The following CAPN3 variants were observed in gnomAD, a reference collection of about 807,000 sequenced individuals.
CAPN3 encodes the protein calpain-3.
CAPN3 carries 88 observed loss-of-function variants against 114.0 expected under a neutral mutation model. The observed-to-expected ratio is 0.77, with a 90% CI of 0.65 to 0.92. The LOEUF (loss-of-function observed/expected upper bound fraction) is 0.92. Among genes scored for constraint, CAPN3 ranks in the 40% least tolerant of loss-of-function variants. The pLI, the probability that CAPN3 is intolerant of heterozygous loss-of-function variation, is 0.00. For missense variants in CAPN3, 1,028 were observed against 1,069.0 expected, an observed-to-expected ratio of 0.96 and a Z score of 0.53; for synonymous variants, 386 against 382.9, an observed-to-expected ratio of 1.01 and a Z score of -0.09.
chr15:42,360,782 T>C (rs1253031062), intron 1 of CAPN3, among the ~76,000 whole-genome samples: 2 of 152,206 alleles, frequency 1.3e-5, no homozygotes, highest in Non-Finnish European at 2.9e-5. Flanking sequence ...CTTTCTGTTT[T>C]AGGAAACTCT....
chr15:42,384,649 C>A (rs1566973667), intron 2 of CAPN3, 97 bp downstream of exon 2: 2 of 910,770 alleles, frequency 2.2e-6, no homozygotes, highest in Non-Finnish European at 3.7e-6. Flanking sequence ...TCTGTGCTTG[C>A]TTCCAGTAAC....
rs1041880843 is a variant in CAPN3 at position 42,411,691 on chromosome 15, G to C, written c.2440-56G>C. ...TTGCCCCGTAAGATTCCTAGGGCGG[G>C]GGGGGGGGGGGTCACTCTTTTCTGA... On this transcript the variant is annotated intron_variant, in intron 23 of 23. Coordinates refer to ENST00000397163, the MANE Select transcript of CAPN3 (RefSeq NM_000070.3). 235 of 418,750 alleles carry C rather than the reference G, an allele frequency of 5.6e-4. 3 individuals are homozygous for C. The highest frequency in any genetic ancestry group is 1.8e-3 in the Middle Eastern group (3 of 1,662). The allele number at this position is 418,750 out of a possible 1,614,324, so 25.9% of individuals were successfully genotyped here. A position where few individuals can be genotyped will look rare whatever the true frequency, so the allele number is the denominator to read the frequency against.
At chr15:42,392,355 G>A (rs963319774) in intron 6 of CAPN3, among the ~76,000 whole-genome samples, 4 of 152,066 alleles carry the variant, frequency 2.6e-5, no homozygotes, top group African/African-American at 9.7e-5. Context: ...GTCCAGAAAG[G>A]AGGGGCAGGA....
intron 14 of CAPN3, 55 bp downstream of exon 14, chr15:42,403,832 A>G (rs2053944566): frequency 4.7e-6 from 7 of 1,480,426 alleles, no homozygotes; most frequent in Non-Finnish European, 6.6e-6. Flanking sequence ...TTCCCTGACC[A>G]TGCAGGGGAC....
intron 1 of CAPN3, among the ~76,000 whole-genome samples, chr15:42,369,892 A>T (rs2141123052): frequency 7.1e-6 from 1 of 140,732 alleles, no homozygotes; most frequent in East Asian, 2.0e-4. Flanking sequence ...TTTTTTTGAG[A>T]CAGAGTCTTT....
chr15:42,402,759 G>A (rs1473016419), intron 12 of CAPN3, 35 bp from the exon 13 acceptor site: 6 of 1,606,316 alleles, frequency 3.7e-6, no homozygotes, highest in Non-Finnish European at 5.1e-6. Flanking sequence ...TCCTCCCGAG[G>A]GGCTCATGTG....
chr15:42,373,093 T>A (rs2052996648), intron 1 of CAPN3, among the ~76,000 whole-genome samples: 1 of 151,286 alleles, frequency 6.6e-6, no homozygotes, highest in Non-Finnish European at 1.5e-5. Flanking sequence ...TTTGGGAGGC[T>A]GAGGCGGGAG....
intron 23 of CAPN3, 59 bp from the exon 24 acceptor site, chr15:42,411,686 GGC>G: frequency 3.4e-6 from 2 of 591,554 alleles, no homozygotes; most frequent in Non-Finnish European, 2.7e-6. Flanking sequence ...AGATTCCTAG[GGC>G]GGGGGGGGGG....
In CAPN3 at chr15:42,401,635, G is replaced by A. The variant is rs28364485; in HGVS notation, c.1355-6G>A. 2.7e-3 allele frequency: 4,343 copies of A among 1,614,054 alleles called. 101 individuals carry two copies. The African/African-American group carries it at 0.052, about 19-fold the overall frequency. ...GTGAATGCGTGCTTCCTTTCTGGGG[G>A]TGCAGATACTTTCTGGACCAACCCT... On this transcript the variant is annotated splice_polypyrimidine_tract_variant and splice_region_variant and intron_variant, in intron 10 of 23. Coordinates refer to ENST00000397163, the MANE Select transcript of CAPN3 (RefSeq NM_000070.3).
chr15:42,389,194 C>A lies in CAPN3; in HGVS notation c.801+98C>A, dbSNP rs961281832. On this transcript the variant is annotated intron_variant, in intron 5 of 23. Coordinates refer to ENST00000397163, the MANE Select transcript of CAPN3 (RefSeq NM_000070.3). ...CATAGAGCTTTTGTGTGGGACAGAG[C>A]GAATGTTTTGTTTGAGGAAGCAGGA... is the stretch of plus-strand genomic sequence containing the variant. The A allele has an allele frequency of 1.4e-5, 16 of 1,175,682 alleles. No homozygotes were observed. The African/African-American group carries it at 2.3e-4, about 17-fold the overall frequency. 72.8% of individuals were successfully genotyped at this position (1,175,682 alleles called of 1,614,324 possible).
At chr15:42,382,629 A>G (rs772752930) in intron 1 of CAPN3, among the ~76,000 whole-genome samples, 1 of 152,198 alleles carries the variant, frequency 6.6e-6, no homozygotes, top group Non-Finnish European at 1.5e-5. Flanking sequence ...TTGGCCTCTC[A>G]AAGTGCTGGG....
Position 42,392,623 on chromosome 15 carries a change from G to A in CAPN3, c.946-16G>A. On this transcript the variant is annotated splice_polypyrimidine_tract_variant and intron_variant, in intron 6 of 23. Transcript: ENST00000397163. ...TTCCCCCGCCCCTAATGGGTTCTCT[G>A]GTTACTGCTCTACAGACAATCATTC... 1 of 1,608,404 alleles carries A rather than the reference G, an allele frequency of 6.2e-7. No homozygotes were observed. Among genetic ancestry groups the A allele is most frequent in the Non-Finnish European group, 8.5e-7 (1 of 1,175,014 alleles).
At chr15:42,381,684 C>T (rs1196618571) in intron 1 of CAPN3, among the ~76,000 whole-genome samples, 1 of 152,254 alleles carries the variant, frequency 6.6e-6, no homozygotes, top group African/African-American at 2.4e-5. Flanking sequence ...GGACTACAGG[C>T]ATGAGCCACC....
rs201566716 is a variant in CAPN3 at position 42,409,844 on chromosome 15, C to T, written c.2050C>T (p.His684Tyr). 46 of 1,279,320 alleles carry T rather than the reference C, an allele frequency of 3.6e-5. No homozygotes were observed. The highest frequency in any genetic ancestry group is 1.1e-4 in the African/African-American group (6 of 55,612). 79.2% of individuals were successfully genotyped at this position (1,279,320 alleles called of 1,614,324 possible). The change falls in exon 18 of 24, where the codon CAC becomes TAC. Residue 684 changes from histidine to tyrosine, a missense_variant and splice_region_variant. Coordinates refer to ENST00000397163, the MANE Select transcript of CAPN3 (RefSeq NM_000070.3). ...KKVLNTVVNK[H>Y]KDLKTHGFTL... ...GGTCCTTAACACAGTCGTGAACAAA[C>T]GTGAGTTGCTCAAACCAAATGGGGG...
chr15:42,399,556 G>A lies in CAPN3; in HGVS notation c.1258G>A (p.Ala420Thr). The change falls in exon 10 of 24, where the codon GCT (alanine) becomes ACT (threonine). Residue 420 changes from alanine to threonine, a missense_variant. By Grantham distance (58) the Ala-to-Thr change is moderately conservative. Transcript: ENST00000397163. Reference sequence around the variant, plus strand: ...GGAGATCTGCAACCTCACGGCCGATGCTCTGCAGTCTGACAAGCTTCAGAC... The same window carrying A: ...GGAGATCTGCAACCTCACGGCCGATACTCTGCAGTCTGACAAGCTTCAGAC... ...KLEICNLTAD[A>T]LQSDKLQTWT... 1 of 1,613,870 alleles carries A rather than the reference G, an allele frequency of 6.2e-7. No individual in the cohort carries two copies. Among genetic ancestry groups the A allele is most frequent in the Non-Finnish European group, 8.5e-7 (1 of 1,179,790 alleles).
chr15:42,409,245 C>T (rs1282879591), intron 16 of CAPN3, 58 bp from the exon 17 acceptor site: 2 of 1,547,780 alleles, frequency 1.3e-6, no homozygotes, highest in Non-Finnish European at 1.8e-6. Flanking sequence ...AGGAGCTTGC[C>T]TCACAGGCCT....
chr15:42,390,119 G>C (rs2053516487), intron 6 of CAPN3, 23 bp downstream of exon 6: 1 of 1,613,904 alleles, frequency 6.2e-7, no homozygotes, highest in Non-Finnish European at 8.5e-7. Flanking sequence ...CCGATTATCA[G>C]AACTGACCAT....
chr15:42,389,139 T>A (rs754732593), intron 5 of CAPN3, 43 bp downstream of exon 5: 32 of 1,594,566 alleles, frequency 2.0e-5, no homozygotes, highest in Non-Finnish European at 2.7e-5. Flanking sequence ...GCTCCAAGTG[T>A]CAGGAAGCCT....
chr15:42,392,356 AG>A lies in CAPN3; in HGVS notation c.946-279del, dbSNP rs200429774. On this transcript the variant is annotated intron_variant, in intron 6 of 23. Transcript: ENST00000397163. ...AAGGATACTAAGGGGTCCAGAAAGG[AG>A]GGGCAGGACACTGTTACCCACCCCA... is the stretch of plus-strand genomic sequence containing the variant. 1.5e-3 allele frequency among the ~76,000 whole-genome samples: 222 copies of A among 152,062 alleles called. 3 individuals are homozygous for A. Among genetic ancestry groups the A allele is most frequent in the African/African-American group, 4.6e-3 (189 of 41,486 alleles).
Sources: allele counts gnomAD v4.1 joint callset (sites outside exome capture counted in the v4.1 genomes callset), GRCh38; gene constraint gnomAD v4.1.1; transcripts MANE v1.5; gene names NCBI Gene and HGNC (gene_info 2026-07-23, HGNC 2026-07-21).